REG1B: variants seen among roughly 807,000 people sequenced by gnomAD.
REG1B encodes lithostathine-1-beta.
REG1B carries 21 observed loss-of-function variants against 20.4 expected under a neutral mutation model. The ratio of observed to expected loss-of-function variants is 1.03; its 90% CI spans 0.73 to 1.48. The LOEUF is 1.48. REG1B is among the 40% of genes most tolerant of loss of function. The pLI, the probability that REG1B is intolerant of heterozygous loss-of-function variation, is 0.00. For missense variants in REG1B, 247 were observed against 197.2 expected, an observed-to-expected ratio of 1.25 and a Z score of -1.51; for synonymous variants, 82 against 73.4, an observed-to-expected ratio of 1.12 and a Z score of -0.60.
intron 4 of REG1B, 36 bp downstream of exon 4, chr2:79,086,331 A>C (rs377070114): frequency 5.0e-6 from 8 of 1,611,606 alleles, no homozygotes; most frequent in African/African-American, 1.3e-5. Flanking sequence ...CCTCTCAAAA[A>C]TGTTTATAAG....
In REG1B at chr2:79,085,448, TG is replaced by T. The variant is rs1558715158; in HGVS notation, c.433+43del. The stretch of plus-strand genomic sequence containing the variant: ...CCCCATGTTCATCCCCAGAGATAAG[TG>T]GGAAGGAAATGGCAACAGGTGGATA... On this transcript the variant is annotated intron_variant, in intron 5 of 5. Transcript: ENST00000305089. 4 of 1,495,974 alleles carry T rather than the reference TG, an allele frequency of 2.7e-6. No homozygotes were observed. In the South Asian group the frequency reaches 4.5e-5, roughly 17 times the overall value. The allele number at this position is 1,495,974 out of a possible 1,614,324, so 92.7% of individuals were successfully genotyped here.
At chr2:79,085,308 ACATAGAGG>A (rs1558715075) in intron 5 of REG1B, 25 bp from the exon 6 acceptor site, 16 of 1,565,360 alleles carry the variant, frequency 1.0e-5, no homozygotes, top group Non-Finnish European at 1.4e-5. Context: ...GAAGTGTCAG[ACATAGAGG>A]ATCAGAAGGA....
chr2:79,085,398 G>T (rs1264677804), intron 5 of REG1B, 94 bp downstream of exon 5: 2 of 1,355,744 alleles, frequency 1.5e-6, no homozygotes, highest in Admixed American at 3.6e-5. Flanking sequence ...TCCAGATAAG[G>T]AGCTTACCTT....
rs185973500 is a variant in REG1B at position 79,087,714 on chromosome 2, T to A, written c.-46-56A>T. 4.6e-5 allele frequency: 50 copies of A among 1,085,484 alleles called. No individual in the cohort carries two copies. The African/African-American group carries it at 7.4e-4, about 16-fold the overall frequency. 67.2% of individuals were successfully genotyped at this position (1,085,484 alleles called of 1,614,324 possible). Reference sequence around the variant, plus strand: ...AGAAGAGAGCAGAGCACCTGTTATCTTTCTAACATCCTCTCCTCTCTGAAT... The same window carrying A: ...AGAAGAGAGCAGAGCACCTGTTATCATTCTAACATCCTCTCCTCTCTGAAT... On this transcript the variant is annotated intron_variant, in intron 1 of 5. Transcript: ENST00000305089.
intron 2 of REG1B, 190 bp from the exon 3 acceptor site, chr2:79,087,120 G>T (rs1672412035): frequency 3.4e-6 from 2 of 596,246 alleles, no homozygotes. Context: ...CAAGACAAGA[G>T]CTCACAATGA....
chr2:79,085,654 G>C, intron 4 of REG1B, 51 bp from the exon 5 acceptor site: 1 of 1,202,706 alleles, frequency 8.3e-7, no homozygotes, highest in Non-Finnish European at 1.2e-6. Context: ...AAAATCAATA[G>C]AATAACCAGG....
At position 79,087,623 on chromosome 2, in the gene REG1B, A is replaced by G; in HGVS notation, c.-11T>C. ...GTTGGTCTGAGCCATGCTTAGCGGCAGTGAATCTCTTGCTTAAGGAGCAAA... is the reference window on the plus strand; with the variant it reads ...GTTGGTCTGAGCCATGCTTAGCGGCGGTGAATCTCTTGCTTAAGGAGCAAA... On this transcript the variant is annotated 5_prime_UTR_variant, in exon 2 of 6. Coordinates refer to ENST00000305089, the MANE Select transcript of REG1B (RefSeq NM_006507.4). 6.2e-7 allele frequency: 1 copy of G among 1,613,764 alleles called. No homozygotes were observed. Among genetic ancestry groups the G allele is most frequent in the Non-Finnish European group, 8.5e-7 (1 of 1,179,830 alleles).
chr2:79,086,290 T>C (rs1672397580), intron 4 of REG1B, 77 bp downstream of exon 4: 2 of 1,461,702 alleles, frequency 1.4e-6, no homozygotes, highest in Non-Finnish European at 1.9e-6. Context: ...AAGTTGGTGA[T>C]TGCGGTGCCA....
At chr2:79,086,317 C>T (rs1228655045) in intron 4 of REG1B, 50 bp downstream of exon 4, 3 of 1,607,290 alleles carry the variant, frequency 1.9e-6, no homozygotes, top group Non-Finnish European at 2.6e-6. Flanking sequence ...AAACGTCCCT[C>T]TTACCTCTCA....
Position 79,087,747 on chromosome 2 carries a change from A to T in REG1B, c.-46-89T>A, listed in dbSNP as rs1206509049. On this transcript the variant is annotated intron_variant, in intron 1 of 5. Transcript: ENST00000305089. ...ATCCTCTCCTCTCTGAATTCCTGTG[A>T]GCCGAAAGGTCCACTGAGATAGCTA... is the stretch of plus-strand genomic sequence containing the variant. 1.6e-5 allele frequency: 14 copies of T among 848,492 alleles called. No homozygotes were observed. In the East Asian group the frequency reaches 3.6e-4, roughly 22 times the overall value. The allele number at this position is 848,492 out of a possible 1,614,324, so 52.6% of individuals were successfully genotyped here.
Position 79,086,898 on chromosome 2 carries a change from G to A in REG1B, c.97C>T (p.Arg33Ter), listed in dbSNP as rs185604160. Residue 33 changes from arginine (R) to a stop codon, truncating the protein, a stop_gained, in exon 3 of 6, where the codon CGA becomes TGA. Coordinates refer to ENST00000305089, the MANE Select transcript of REG1B (RefSeq NM_006507.4). LOFTEE classifies it high-confidence loss of function. Reference protein sequence around the residue: ...QESQTELPNPRISCPEGTNAY... With the variant: ...QESQTELPNP ...TTGGTGCCTTCTGGGCAGCTGATTC[G>A]GGGATTAGGCAGCTCTGTCTGGGAC... 88 of 1,613,860 alleles carry A rather than the reference G, an allele frequency of 5.5e-5. No individual in the cohort carries two copies. Among genetic ancestry groups the A allele is most frequent in the East Asian group, 2.2e-4 (10 of 44,852 alleles).
chr2:79,086,671 A>AT, intron 3 of REG1B, 141 bp downstream of exon 3: 1 of 1,313,072 alleles, frequency 7.6e-7, no homozygotes, highest in Non-Finnish European at 1.1e-6. Flanking sequence ...TGATGGGATA[A>AT]AGTAGATTGG....
intron 4 of REG1B, 96 bp from the exon 5 acceptor site, chr2:79,085,699 G>A: frequency 2.9e-6 from 2 of 694,590 alleles, no homozygotes; most frequent in Non-Finnish European, 5.0e-6. Flanking sequence ...CCAAGTTATA[G>A]CAGAAAGAAT....
At chr2:79,085,693 G>T (rs1672388899) in intron 4 of REG1B, 90 bp from the exon 5 acceptor site, 1 of 718,768 alleles carries the variant, frequency 1.4e-6, no homozygotes, top group Non-Finnish European at 2.4e-6. Flanking sequence ...AACAGGCCAA[G>T]TTATAGCAGA....
At chr2:79,085,367 A>G (rs935356235) in intron 5 of REG1B, 84 bp from the exon 6 acceptor site, 1 of 1,348,266 alleles carries the variant, frequency 7.4e-7, no homozygotes, top group African/African-American at 1.4e-5. Context: ...ACAAAAAACT[A>G]GAGGAAATAC....
chr2:79,085,376 A>C, intron 5 of REG1B, 93 bp from the exon 6 acceptor site: 4 of 1,329,776 alleles, frequency 3.0e-6, no homozygotes, highest in Non-Finnish European at 3.2e-6. Context: ...TAGAGGAAAT[A>C]CTTCTTTATT....
intron 4 of REG1B, 75 bp from the exon 5 acceptor site, chr2:79,085,678 T>C: frequency 1.1e-6 from 1 of 887,352 alleles, no homozygotes. Context: ...GTGTGCACAC[T>C]CAGAAACAGG....
chr2:79,086,942 A>G lies in REG1B; in HGVS notation c.65-12T>C, dbSNP rs755387990. On this transcript the variant is annotated splice_polypyrimidine_tract_variant and intron_variant, in intron 2 of 5. Coordinates refer to ENST00000305089, the MANE Select transcript of REG1B (RefSeq NM_006507.4). ...CTGGGACTCCTGGCCTGGGGAAAAA[A>G]AAAAGGAGATAATTAAGAAAGAATC... The G allele has an allele frequency of 1.6e-5, 25 of 1,605,932 alleles. 1 individual carries two copies. The South Asian group carries it at 2.3e-4, about 15-fold the overall frequency.
At chr2:79,087,498 G>T in intron 2 of REG1B, 51 bp downstream of exon 2, 1 of 1,576,666 alleles carries the variant, frequency 6.3e-7, no homozygotes, top group African/African-American at 1.3e-5. Context: ...CATGAGGATG[G>T]AGGGAAGAAT....
Sources: gnomAD v4.1 joint callset for allele counts on GRCh38, gnomAD v4.1.1 for gene constraint, MANE v1.5 for transcripts, NCBI Gene and HGNC (gene_info 2026-07-23, HGNC 2026-07-21) for gene names.